TOM1: variants seen among roughly 807,000 people sequenced by gnomAD.
The protein encoded by TOM1 is target of myb1 membrane trafficking protein.
In TOM1, 38 loss-of-function variants were observed where a neutral mutation model predicts 61.3. The observed-to-expected ratio is 0.62, with a 90% CI of 0.48 to 0.81. TOM1 has a LOEUF of 0.81. TOM1 is among the 40% of genes least tolerant of loss of function. The probability of loss-of-function intolerance (pLI) is 0.00; values close to 1 mark genes in which losing one functional copy is unlikely to be tolerated. For missense variants in TOM1, 591 were observed against 659.6 expected, an observed-to-expected ratio of 0.90 and a Z score of 1.14; for synonymous variants, 270 against 268.8, an observed-to-expected ratio of 1.00 and a Z score of -0.04.
chr22:35,307,669 G>A (rs148842882), intron 1 of TOM1, among the ~76,000 whole-genome samples: 1 of 152,298 alleles, frequency 6.6e-6, no homozygotes, highest in Non-Finnish European at 1.5e-5. Flanking sequence ...GCTGGGGAAG[G>A]TAGAGAAGGG....
In TOM1 at chr22:35,346,555, CT is replaced by C. The variant is rs546018910; in HGVS notation, c.1285-373del. 2.8e-4 allele frequency among the ~76,000 whole-genome samples: 42 copies of C among 152,338 alleles called. 1 individual carries two copies. The South Asian group carries it at 8.5e-3, about 31-fold the overall frequency. ...CCCCAGGGGTGAGGACCACCCACCC[CT>C]TGTGACCCTCCAAGGAAAGGAACCA... is the stretch of plus-strand genomic sequence containing the variant. On this transcript the variant is annotated intron_variant, in intron 13 of 14. Coordinates refer to ENST00000449058, the MANE Select transcript of TOM1 (RefSeq NM_005488.3).
At chr22:35,301,803 G>T (rs975437535) in intron 1 of TOM1, among the ~76,000 whole-genome samples, 1 of 104,574 alleles carries the variant, frequency 9.6e-6, no homozygotes, top group African/African-American at 2.6e-5. Flanking sequence ...AAGGACCCCT[G>T]CCCTCCCCGG....
intron 7 of TOM1, among the ~76,000 whole-genome samples, chr22:35,328,401 A>G (rs1928525165): frequency 6.6e-6 from 1 of 152,198 alleles, no homozygotes; most frequent in African/African-American, 2.4e-5. Context: ...GTCCCGGGCT[A>G]TATGTGGACA....
chr22:35,299,776 C>A (rs939056022), upstream of TOM1: 3 of 815,540 alleles, frequency 3.7e-6, no homozygotes, highest in East Asian at 2.7e-5. Context: ...GGGACCCTGG[C>A]GTCTCAGGGC....
At chr22:35,300,192 G>A (rs113180491) in intron 1 of TOM1, among the ~76,000 whole-genome samples, 2 of 152,388 alleles carry the variant, frequency 1.3e-5, no homozygotes, top group African/African-American at 4.8e-5. Flanking sequence ...AGATGTATAT[G>A]ACAGCCAGTA....
intron 1 of TOM1, among the ~76,000 whole-genome samples, chr22:35,301,048 CAAA>C (rs139553640): frequency 6.3e-5 from 7 of 111,210 alleles, no homozygotes; most frequent in African/African-American, 1.3e-4. Context: ...CCCGTCTCTA[CAAA>C]AAAAAAAAAA....
intron 1 of TOM1, among the ~76,000 whole-genome samples, chr22:35,313,434 C>G (rs1442751459): frequency 6.6e-6 from 1 of 152,128 alleles, no homozygotes; most frequent in Non-Finnish European, 1.5e-5. Flanking sequence ...GGTGACTACT[C>G]ATTCTTTCTC....
chr22:35,341,034 C>T (rs558562256), intron 12 of TOM1, among the ~76,000 whole-genome samples: 5 of 152,306 alleles, frequency 3.3e-5, no homozygotes, highest in South Asian at 4.1e-4. Context: ...ATTGCACACC[C>T]GTGTCACATC....
upstream of TOM1, chr22:35,299,687 C>G: frequency 1.8e-6 from 1 of 561,266 alleles, no homozygotes; most frequent in Non-Finnish European, 3.2e-6. Context: ...CGGGCCCCGA[C>G]CCCAGACCCT....
upstream of TOM1, chr22:35,299,868 G>T: frequency 6.5e-7 from 1 of 1,546,358 alleles, no homozygotes; most frequent in Non-Finnish European, 8.8e-7. Flanking sequence ...GTGACGGGTC[G>T]GTGGCGCTGG....
chr22:35,325,073 C>T (rs1337586414), intron 6 of TOM1, among the ~76,000 whole-genome samples: 1 of 152,244 alleles, frequency 6.6e-6, no homozygotes, highest in Non-Finnish European at 1.5e-5. Context: ...GGGGGCTTGT[C>T]ATTCTAGACT....
upstream of TOM1, chr22:35,299,867 C>A: frequency 6.5e-7 from 1 of 1,542,188 alleles, no homozygotes; most frequent in South Asian, 1.2e-5. Flanking sequence ...CGTGACGGGT[C>A]GGTGGCGCTG....
At chr22:35,324,512 G>C (rs573280151) in intron 6 of TOM1, among the ~76,000 whole-genome samples, 1 of 149,628 alleles carries the variant, frequency 6.7e-6, no homozygotes, top group Non-Finnish European at 1.5e-5. Context: ...TATGTACATT[G>C]TACCATGCTG....
Position 35,333,448 on chromosome 22 carries a change from C to T in TOM1, c.978C>T (p.Gly326=). 1 of 1,614,130 alleles carries T rather than the reference C, an allele frequency of 6.2e-7. No individual in the cohort carries two copies. The highest frequency in any genetic ancestry group is 8.5e-7 in the Non-Finnish European group (1 of 1,180,028). ...CGGCAGCTGACCTGATCGACATGGG[C>T]CCTGACCCAGCAGCCACCGGCAACC... is the stretch of plus-strand genomic sequence containing the variant. ...AEPAADLIDM[G]PDPAATGNLS... The change falls in exon 10 of 15, where the codon GGC becomes GGT. Residue 326 remains glycine, a synonymous_variant. Coordinates refer to ENST00000449058, the MANE Select transcript of TOM1 (RefSeq NM_005488.3).
At chr22:35,342,750 TAC>T (rs1017099633) in intron 12 of TOM1, among the ~76,000 whole-genome samples, 1 of 143,766 alleles carries the variant, frequency 7.0e-6, no homozygotes, top group Non-Finnish European at 1.5e-5. Flanking sequence ...CCCATAGACC[TAC>T]ACACACACCA....
At chr22:35,336,313 C>A (rs1172870513) in intron 11 of TOM1, among the ~76,000 whole-genome samples, 1 of 152,188 alleles carries the variant, frequency 6.6e-6, no homozygotes, top group African/African-American at 2.4e-5. Flanking sequence ...GGTGGATCTT[C>A]CAGCTCTGGT....
chr22:35,301,048 CAAAAAAAAAA>C (rs139553640), intron 1 of TOM1, among the ~76,000 whole-genome samples: 43 of 111,216 alleles, frequency 3.9e-4, no homozygotes, highest in African/African-American at 1.7e-3. Context: ...CCCGTCTCTA[CAAAAAAAAAA>C]AAAAAAAAAA....
Position 35,323,979 on chromosome 22 carries a change from C to A in TOM1, c.648+65C>A, listed in dbSNP as rs944185623. 2.7e-6 allele frequency: 4 copies of A among 1,495,746 alleles called. No homozygotes were observed. Among genetic ancestry groups the A allele is most frequent in the Non-Finnish European group, 2.7e-6 (3 of 1,119,630 alleles). 92.7% of individuals were successfully genotyped at this position (1,495,746 alleles called of 1,614,324 possible). Reference sequence around the variant, plus strand: ...GTGGGCCACACACGTCAGGGAGGGCCCCCTGTCAGAATTTACCATCCACGG... The same window carrying A: ...GTGGGCCACACACGTCAGGGAGGGCACCCTGTCAGAATTTACCATCCACGG... On this transcript the variant is annotated intron_variant, in intron 6 of 14. Coordinates refer to ENST00000449058, the MANE Select transcript of TOM1 (RefSeq NM_005488.3). This position sits in a 1 kb window ranked among gnomAD's most constrained non-coding sequence, Gnocchi z 4.2.
chr22:35,347,435 C>T lies in TOM1; in HGVS notation c.*226C>T. 2.1e-6 allele frequency: 1 copy of T among 466,286 alleles called. No individual in the cohort carries two copies. Among genetic ancestry groups the T allele is most frequent in the East Asian group, 3.5e-5 (1 of 28,740 alleles). 28.9% of individuals were successfully genotyped at this position (466,286 alleles called of 1,614,324 possible). On this transcript the variant is annotated 3_prime_UTR_variant, in exon 15 of 15. Transcript: ENST00000449058. ...CAGTGGGATCTGGCTGCTCTGCCTC[C>T]TTTCCCACCCCAGCTGACCATGAGA...
Sources: allele counts gnomAD v4.1 joint callset (sites outside exome capture counted in the v4.1 genomes callset), GRCh38; gene constraint gnomAD v4.1.1; non-coding constraint Gnocchi (gnomAD v3.1); transcripts MANE v1.5; gene names NCBI Gene and HGNC (gene_info 2026-07-23, HGNC 2026-07-21).